CSMD2: variants seen among roughly 807,000 people sequenced by gnomAD.
The protein encoded by CSMD2 is CUB and sushi domain-containing protein 2.
A neutral mutation model predicts 398.5 loss-of-function variants in CSMD2; 130 were observed. The ratio of observed to expected loss-of-function variants is 0.33; its 90% confidence interval spans 0.28 to 0.38. The LOEUF is 0.38. CSMD2 is among the 10% of genes least tolerant of loss of function. CSMD2 has a pLI of 1.00. For missense variants in CSMD2, 3,829 were observed against 4,764.9 expected, an observed-to-expected ratio of 0.80 and a Z score of 5.78; for synonymous variants, 1,828 against 1,908.5, an observed-to-expected ratio of 0.96 and a Z score of 1.10.
At chr1:34,098,330 G>T (rs1174248205) in intron 1 of CSMD2, among the ~76,000 whole-genome samples, 1 of 142,810 alleles carries the variant, frequency 7.0e-6, no homozygotes, top group Non-Finnish European at 1.5e-5. Flanking sequence ...GAGTTAGTGG[G>T]TGCAGCACAC....
chr1:33,724,483 G>C, intron 18 of CSMD2, 33 bp downstream of exon 18: 1 of 1,600,474 alleles, frequency 6.2e-7, no homozygotes, highest in Non-Finnish European at 8.5e-7. Flanking sequence ...AGAGGAGTCT[G>C]CTACTTTAGC....
chr1:33,833,453 C>A (rs1305788491), intron 6 of CSMD2, among the ~76,000 whole-genome samples: 1 of 150,588 alleles, frequency 6.6e-6, no homozygotes, highest in Non-Finnish European at 1.5e-5. Context: ...ATTCAACAAC[C>A]CTTCATGCTA....
At chr1:34,006,290 G>C (rs900399504) in intron 3 of CSMD2, among the ~76,000 whole-genome samples, 1 of 152,036 alleles carries the variant, frequency 6.6e-6, no homozygotes, top group Non-Finnish European at 1.5e-5. Flanking sequence ...TAGAGGATGG[G>C]GATGCTGTAC....
At chr1:34,076,882 C>T (rs1571020718) in intron 2 of CSMD2, among the ~76,000 whole-genome samples, 1 of 117,396 alleles carries the variant, frequency 8.5e-6, no homozygotes, top group South Asian at 3.0e-4. Flanking sequence ...GGTGTATATT[C>T]CACTGTATGG....
At chr1:34,122,678 G>A (rs1011142890) in intron 1 of CSMD2, among the ~76,000 whole-genome samples, 1 of 152,036 alleles carries the variant, frequency 6.6e-6, no homozygotes, top group Non-Finnish European at 1.5e-5. Context: ...TATTACACAG[G>A]TCCACCTATT....
intron 10 of CSMD2, 131 bp downstream of exon 10, chr1:33,810,612 A>T: frequency 1.1e-6 from 1 of 951,402 alleles, no homozygotes; most frequent in Non-Finnish European, 1.5e-6. Context: ...ATATTAATAA[A>T]AAAAAAAGTA....
chr1:33,534,038 G>T, intron 62 of CSMD2, 131 bp from the exon 63 acceptor site: 1 of 611,290 alleles, frequency 1.6e-6, no homozygotes, highest in Admixed American at 2.9e-5. Flanking sequence ...CTGATTCTCC[G>T]CCTGGTTAAA....
intron 16 of CSMD2, 149 bp from the exon 17 acceptor site, chr1:33,725,685 G>A (rs1646506173): frequency 4.7e-6 from 3 of 642,538 alleles, no homozygotes; most frequent in Non-Finnish European, 8.2e-6. Flanking sequence ...ATTCACTAGC[G>A]ATGCAGAAGG....
intron 13 of CSMD2, among the ~76,000 whole-genome samples, chr1:33,749,092 CTTTTTT>C (rs72469561): frequency 5.7e-5 from 5 of 87,808 alleles, no homozygotes; most frequent in South Asian, 4.6e-4. Flanking sequence ...ATACAGACTT[CTTTTTT>C]TTTTTTTTTT....
chr1:34,160,570 C>T (rs559500265), intron 1 of CSMD2, among the ~76,000 whole-genome samples: 172 of 152,268 alleles, frequency 1.1e-3, no homozygotes, highest in African/African-American at 4.0e-3. Context: ...CCTTGGAAAA[C>T]TCTCCAAGAA....
intron 1 of CSMD2, among the ~76,000 whole-genome samples, chr1:34,129,870 A>G (rs1329726780): frequency 6.6e-6 from 1 of 152,140 alleles, no homozygotes; most frequent in Non-Finnish European, 1.5e-5. Flanking sequence ...CCCTTCTGCC[A>G]CTTGCTGGCT....
chr1:33,859,571 A>G (rs1001379989), intron 5 of CSMD2, among the ~76,000 whole-genome samples: 3 of 152,258 alleles, frequency 2.0e-5, no homozygotes, highest in African/African-American at 7.2e-5. Flanking sequence ...CACAGGTTTC[A>G]GGGCTTAGGA....
At chr1:33,980,739 T>C (rs1038386914) in intron 3 of CSMD2, among the ~76,000 whole-genome samples, 12 of 152,180 alleles carry the variant, frequency 7.9e-5, no homozygotes, top group African/African-American at 2.4e-4. Flanking sequence ...TGGTAGGCAG[T>C]CATCAGAAAG....
At chr1:33,726,459 G>C in intron 16 of CSMD2, 88 bp downstream of exon 16, 1 of 1,438,950 alleles carries the variant, frequency 6.9e-7, no homozygotes, top group South Asian at 1.4e-5. Flanking sequence ...CGTTGGTACT[G>C]GTCCCCTATC....
chr1:33,528,371 C>T (rs1654965213), intron 64 of CSMD2, among the ~76,000 whole-genome samples: 1 of 152,210 alleles, frequency 6.6e-6, no homozygotes, highest in Admixed American at 6.5e-5. Context: ...AGAAAATCTG[C>T]CTTGTCGCCA....
rs1480064299 is a variant in CSMD2, at chr1:33,515,631, A to C, written c.*993T>G. 1 of 152,202 alleles carries C rather than the reference A, an allele frequency of 6.6e-6. No homozygotes were observed. Among genetic ancestry groups the C allele is most frequent in the Non-Finnish European group, 1.5e-5 (1 of 68,032 alleles). 9.4% of individuals were successfully genotyped at this position (152,202 alleles called of 1,614,324 possible). A position where few individuals can be genotyped will look rare whatever the true frequency, so the allele number is the denominator to read the frequency against. ...TTATTGTGCAGACTAGAAATACTAC[A>C]GGTAAAGTGTCAGGCACAGAGAATA... On this transcript the variant is annotated 3_prime_UTR_variant, in exon 71 of 71. Transcript: ENST00000373381.
chr1:33,874,976 C>G (rs537759389), intron 5 of CSMD2, among the ~76,000 whole-genome samples: 2 of 152,204 alleles, frequency 1.3e-5, no homozygotes, highest in East Asian at 1.9e-4. Context: ...CCGCACAGCC[C>G]TGGCAAGTGG....
chr1:33,825,845 G>C (rs1369125620), intron 6 of CSMD2, 71 bp from the exon 7 acceptor site: 1 of 1,264,588 alleles, frequency 7.9e-7, no homozygotes, highest in East Asian at 2.4e-5. Context: ...CCCTCTAGAA[G>C]GATTCCCCCT....
intron 19 of CSMD2, among the ~76,000 whole-genome samples, chr1:33,723,948 T>C (rs993452050): frequency 1.3e-5 from 2 of 152,182 alleles, no homozygotes; most frequent in African/African-American, 2.4e-5. Flanking sequence ...TGAGTGAGAT[T>C]GGACAGCTGG....
Sources: allele counts gnomAD v4.1 joint callset (sites outside exome capture counted in the v4.1 genomes callset), GRCh38; gene constraint gnomAD v4.1.1; transcripts MANE v1.5; gene names NCBI Gene and HGNC (gene_info 2026-07-23, HGNC 2026-07-21).